The following MSANTD4 variants were observed in gnomAD, a reference collection of about 807,000 sequenced individuals.
The protein encoded by MSANTD4 is Myb/SANT DNA binding domain containing 4 with coiled-coils, also known as myb/SANT-like DNA-binding domain-containing protein 4.
In MSANTD4, 13 loss-of-function variants were observed where a neutral mutation model predicts 34.3. The observed-to-expected ratio is 0.38, with a 90% CI of 0.25 to 0.60. The LOEUF (loss-of-function observed/expected upper bound fraction) is 0.60. Ranked by LOEUF, MSANTD4 falls within the 20% of genes least tolerant of loss-of-function variation. MSANTD4 has a pLI of 0.63. For missense variants in MSANTD4, 358 were observed against 401.8 expected, an observed-to-expected ratio of 0.89 and a Z score of 0.93; for synonymous variants, 137 against 145.2, an observed-to-expected ratio of 0.94 and a Z score of 0.41.
At chr11:106,015,864 AATTTT>A (rs975392075) in intron 1 of MSANTD4, among the ~76,000 whole-genome samples, 12 of 152,080 alleles carry the variant, frequency 7.9e-5, no homozygotes, top group African/African-American at 2.4e-4. Flanking sequence ...GAATGCTTAT[AATTTT>A]ATTTTATTTT....
At chr11:106,014,617 G>A (rs553857216) in intron 1 of MSANTD4, among the ~76,000 whole-genome samples, 39 of 152,182 alleles carry the variant, frequency 2.6e-4, no homozygotes, top group Non-Finnish European at 5.0e-4. Flanking sequence ...CTTTTAGACT[G>A]AAAAGTGGAT....
chr11:106,015,626 C>A (rs1417821215), intron 1 of MSANTD4, among the ~76,000 whole-genome samples: 1 of 152,140 alleles, frequency 6.6e-6, no homozygotes, highest in Non-Finnish European at 1.5e-5. Context: ...CTTTGCAACT[C>A]CACATTCAGC....
chr11:106,010,993 G>C lies in MSANTD4; in HGVS notation c.-76C>G. On this transcript the variant is annotated 5_prime_UTR_variant, in exon 2 of 3. Coordinates refer to ENST00000301919, the MANE Select transcript of MSANTD4 (RefSeq NM_032424.3). ...GAATGCTGCAAAGCACAAAAACCAG[G>C]GATAATTCTTTGCTGGCCCTTAGTT... The C allele has an allele frequency of 6.8e-7, 1 of 1,467,010 alleles. No homozygotes were observed. The highest frequency in any genetic ancestry group is 9.0e-7 in the Non-Finnish European group (1 of 1,113,418). 90.9% of individuals were successfully genotyped at this position (1,467,010 alleles called of 1,614,324 possible).
chr11:106,017,461 T>G (rs1479119526), intron 1 of MSANTD4, among the ~76,000 whole-genome samples: 1 of 152,192 alleles, frequency 6.6e-6, no homozygotes, highest in Non-Finnish European at 1.5e-5. Flanking sequence ...TAAGAAATTT[T>G]TATTATAGAG....
chr11:106,013,147 A>T (rs1049625199), intron 1 of MSANTD4, among the ~76,000 whole-genome samples: 2 of 152,200 alleles, frequency 1.3e-5, no homozygotes. Flanking sequence ...AAGAGATTTT[A>T]AAAGATGTAA....
At chr11:106,020,609 T>C (rs1860006211) in intron 1 of MSANTD4, among the ~76,000 whole-genome samples, 1 of 152,210 alleles carries the variant, frequency 6.6e-6, no homozygotes, top group African/African-American at 2.4e-5. Context: ...GAAATAGCAG[T>C]CCTTTTGAAG....
chr11:106,010,214 TA>T (rs1238505881), intron 2 of MSANTD4, 104 bp from the exon 3 acceptor site: 2 of 1,231,724 alleles, frequency 1.6e-6, no homozygotes, highest in African/African-American at 3.0e-5. Context: ...GAAAAATACT[TA>T]ATTTGAATTT....
chr11:106,010,861 G>A lies in MSANTD4; in HGVS notation c.57C>T (p.Thr19=). Residue 19 remains threonine, a synonymous_variant, in exon 2 of 3, where the codon ACC becomes ACT. Transcript: ENST00000301919. ...TCCTTTTCGTAATTTCTTTCAAAAG[G>A]GTCTGAGTTTCTTGAACACTAAAAT... ...KSNFSVQETQ[T]LLKEITKRKE... 1 of 1,612,292 alleles carries A rather than the reference G, an allele frequency of 6.2e-7. No individual in the cohort carries two copies.
intron 1 of MSANTD4, among the ~76,000 whole-genome samples, chr11:106,019,955 C>A (rs1363177091): frequency 6.6e-6 from 1 of 152,098 alleles, no homozygotes; most frequent in South Asian, 2.1e-4. Flanking sequence ...GACTAATACT[C>A]GTGATGTTTT....
intron 1 of MSANTD4, among the ~76,000 whole-genome samples, chr11:106,015,977 C>T (rs2134952621): frequency 6.6e-6 from 1 of 152,240 alleles, no homozygotes; most frequent in African/African-American, 2.4e-5. Flanking sequence ...GATCTTCCCG[C>T]CTCAGCTTCC....
At chr11:106,011,893 G>A (rs1431629200) in intron 1 of MSANTD4, among the ~76,000 whole-genome samples, 1 of 152,178 alleles carries the variant, frequency 6.6e-6, no homozygotes, top group Non-Finnish European at 1.5e-5. Flanking sequence ...TTGAGACAAT[G>A]TAATCTGATC....
rs1002721864 is a variant in MSANTD4, at chr11:106,009,406, A to G, written c.*129T>C. 85 of 846,558 alleles carry G rather than the reference A, an allele frequency of 1.0e-4. 1 individual carries two copies. Among genetic ancestry groups the G allele is most frequent in the Non-Finnish European group, 1.3e-4 (72 of 551,570 alleles). 52.4% of individuals were successfully genotyped at this position (846,558 alleles called of 1,614,324 possible). A position where few individuals can be genotyped will look rare whatever the true frequency, so the allele number is the denominator to read the frequency against. On this transcript the variant is annotated 3_prime_UTR_variant, in exon 3 of 3. Transcript: ENST00000301919. Reference sequence around the variant, plus strand: ...TACTTAGGCATACAGTTATCCACATATAACTTTTTCCTACTGAACACTGAC... The same window carrying G: ...TACTTAGGCATACAGTTATCCACATGTAACTTTTTCCTACTGAACACTGAC...
At chr11:106,013,154 G>T (rs992476226) in intron 1 of MSANTD4, among the ~76,000 whole-genome samples, 1 of 152,168 alleles carries the variant, frequency 6.6e-6, no homozygotes, top group Non-Finnish European at 1.5e-5. Context: ...TTTAAAAGAT[G>T]TAAGGGGAAA....
rs1035907399 is a variant in MSANTD4, at chr11:106,009,456, C to T, written c.*79G>A. On this transcript the variant is annotated 3_prime_UTR_variant, in exon 3 of 3. Transcript: ENST00000301919. Reference sequence around the variant, plus strand: ...CATTAGACAAGAAACCACAGCTAATCCAGCAACCATCATTATATCACCTGA... The same window carrying T: ...CATTAGACAAGAAACCACAGCTAATTCAGCAACCATCATTATATCACCTGA... 2 of 1,365,836 alleles carry T rather than the reference C, an allele frequency of 1.5e-6. No homozygotes were observed. The highest frequency in any genetic ancestry group is 2.9e-5 in the African/African-American group (2 of 68,464). The allele number at this position is 1,365,836 out of a possible 1,614,324, so 84.6% of individuals were successfully genotyped here.
chr11:106,014,642 T>C (rs1404206039), intron 1 of MSANTD4, among the ~76,000 whole-genome samples: 3 of 152,236 alleles, frequency 2.0e-5, no homozygotes, highest in Non-Finnish European at 4.4e-5. Flanking sequence ...ATACCTTATT[T>C]TTAAACTTAA....
At position 106,010,655 on chromosome 11, in the gene MSANTD4, T is replaced by C; in HGVS notation, c.263A>G (p.Asn88Ser). The change falls in exon 2 of 3, where the codon AAC becomes AGC. Residue 88 changes from asparagine to serine, a missense_variant. Around this residue, in one of 2 missense-constraint regions of MSANTD4, gnomAD observed 312 missense variants for 317.6 expected, o/e 0.98. Coordinates refer to ENST00000301919, the MANE Select transcript of MSANTD4 (RefSeq NM_032424.3). ...AAATCCTGAACCAACCAGCTTAATG[T>C]TGGCCTTCATCCTCTTTCTCTTCAT... ...ALMKRKRMKANIKLVGSGFPL... is the reference protein window; with the variant it reads ...ALMKRKRMKASIKLVGSGFPL... 2.5e-6 allele frequency: 4 copies of C among 1,614,204 alleles called. No homozygotes were observed. The highest frequency in any genetic ancestry group is 3.4e-6 in the Non-Finnish European group (4 of 1,180,034).
At chr11:106,016,255 C>A (rs753718590) in intron 1 of MSANTD4, among the ~76,000 whole-genome samples, 2 of 152,188 alleles carry the variant, frequency 1.3e-5, no homozygotes, top group Non-Finnish European at 2.9e-5. Context: ...GGCAAGCATT[C>A]AGCTTTCCTC....
At position 106,022,224 on chromosome 11, in the gene MSANTD4, C is replaced by G. The variant is rs928232481; in HGVS notation, c.-1413G>C. The G allele has an allele frequency of 6.6e-6, 1 of 152,526 alleles. No homozygotes were observed. Among genetic ancestry groups the G allele is most frequent in the Non-Finnish European group, 1.5e-5 (1 of 68,284 alleles). The allele number at this position is 152,526 out of a possible 1,614,324, so 9.4% of individuals were successfully genotyped here. A position where few individuals can be genotyped will look rare whatever the true frequency, so the allele number is the denominator to read the frequency against. On this transcript the variant is annotated 5_prime_UTR_variant, in exon 1 of 3. Transcript: ENST00000301919. ...GACCCCGGCGGCACCTCCCCACGGTCGCCCCAAGGGGGGTAGGAAAAAAGA... is the reference window on the plus strand; with the variant it reads ...GACCCCGGCGGCACCTCCCCACGGTGGCCCCAAGGGGGGTAGGAAAAAAGA...
chr11:106,015,659 A>C (rs931575190), intron 1 of MSANTD4, among the ~76,000 whole-genome samples: 2 of 151,962 alleles, frequency 1.3e-5, no homozygotes, highest in Non-Finnish European at 2.9e-5. Context: ...GGAGCTAAAA[A>C]TTGGCCAAGA....
Sources: gnomAD v4.1 joint callset for allele counts (sites outside exome capture counted in the v4.1 genomes callset) on GRCh38, gnomAD v4.1.1 for gene constraint, gnomAD v4.1.1 regional missense constraint, MANE v1.5 for transcripts, NCBI Gene and HGNC (gene_info 2026-07-23, HGNC 2026-07-21) for gene names.